Variants in CNTNAP2 observed in about 807,000 individuals in gnomAD.
CNTNAP2 encodes the protein contactin associated protein 2, also known as contactin-associated protein-like 2.
A neutral mutation model predicts 155.2 loss-of-function variants in CNTNAP2; 98 were observed. The ratio of observed to expected loss-of-function variants is 0.63; its 90% CI spans 0.54 to 0.75. The LOEUF (loss-of-function observed/expected upper bound fraction) is 0.75, where lower values mean the gene tolerates loss of function less well. CNTNAP2 is among the 30% of genes least tolerant of loss of function. The probability of loss-of-function intolerance (pLI) is 0.00; values close to 1 mark genes in which losing one functional copy is unlikely to be tolerated. For synonymous variants in CNTNAP2, 651 were observed against 631.2 expected, an observed-to-expected ratio of 1.03 and a Z score of -0.47; for missense variants, 1,727 against 1,688.1, an observed-to-expected ratio of 1.02 and a Z score of -0.40.
At chr7:147,718,207 G>A (rs951136036) in intron 13 of CNTNAP2, among the ~76,000 whole-genome samples, 1 of 152,056 alleles carries the variant, frequency 6.6e-6, no homozygotes, top group African/African-American at 2.4e-5. Flanking sequence ...ATGGAATGCT[G>A]CCTCAAATAC....
chr7:146,522,855 A>T (rs801967), intron 1 of CNTNAP2, among the ~76,000 whole-genome samples: 34,562 of 151,202 alleles, frequency 0.23, 7,527 homozygotes, highest in African/African-American at 0.58. Flanking sequence ...TCTGCTCTTT[A>T]TGTTATCTCA....
intron 1 of CNTNAP2, among the ~76,000 whole-genome samples, chr7:146,615,881 C>G (rs1249079378): frequency 6.6e-6 from 1 of 152,186 alleles, no homozygotes; most frequent in Non-Finnish European, 1.5e-5. Context: ...GTACTGATTC[C>G]TTGTCCCCTT....
chr7:147,526,787 C>G (rs1329019071), intron 11 of CNTNAP2, among the ~76,000 whole-genome samples: 1 of 152,044 alleles, frequency 6.6e-6, no homozygotes, highest in African/African-American at 2.4e-5. Flanking sequence ...ATGACTAGTC[C>G]TCTTCCACCG....
intron 13 of CNTNAP2, among the ~76,000 whole-genome samples, chr7:147,900,120 C>T (rs534159976): frequency 6.6e-6 from 1 of 152,198 alleles, no homozygotes; most frequent in East Asian, 1.9e-4. Context: ...GGTGCTGGCC[C>T]CTCTGCTCTC....
At position 147,995,325 on chromosome 7, in the gene CNTNAP2, A is replaced by C. The variant is rs74724467; in HGVS notation, c.2383+17336A>C. Among the ~76,000 whole-genome samples the C allele has an allele frequency of 6.8e-3, 1,029 of 152,230 alleles. 20 individuals are homozygous for C. Among genetic ancestry groups the C allele is most frequent in the African/African-American group, 0.023 (970 of 41,520 alleles). ...ACTTGGTGGGCCAGCCATGGGAAGC[A>C]CTTCTCCAGCACAAGGATGCTGCCT... On this transcript the variant is annotated intron_variant, in intron 15 of 23. Coordinates refer to ENST00000361727, the MANE Select transcript of CNTNAP2 (RefSeq NM_014141.6).
At chr7:147,852,060 G>C (rs76628069) in intron 13 of CNTNAP2, among the ~76,000 whole-genome samples, 1 of 152,052 alleles carries the variant, frequency 6.6e-6, no homozygotes, top group Admixed American at 6.6e-5. Flanking sequence ...TCTATATTGC[G>C]ACCTTAATTT....
intron 11 of CNTNAP2, chr7:147,496,959 C>T (rs1229903249): frequency 1.3e-5 from 2 of 152,042 alleles, no homozygotes; most frequent in East Asian, 3.9e-4. Flanking sequence ...ATTATCCATC[C>T]ACCTAAATAA....
intron 3 of CNTNAP2, among the ~76,000 whole-genome samples, chr7:146,854,553 A>C (rs1001415878): frequency 1.4e-5 from 2 of 140,938 alleles, no homozygotes; most frequent in Non-Finnish European, 3.1e-5. Context: ...TGGTAACCAG[A>C]GAGCTTAGCA....
chr7:148,244,413 G>C (rs1796216788), intron 20 of CNTNAP2, among the ~76,000 whole-genome samples: 3 of 152,116 alleles, frequency 2.0e-5, no homozygotes, highest in African/African-American at 7.2e-5. Flanking sequence ...GTAATCTTTA[G>C]TTGTAGTTGT....
At chr7:147,221,240 G>A (rs907442170) in intron 8 of CNTNAP2, among the ~76,000 whole-genome samples, 31 of 152,056 alleles carry the variant, frequency 2.0e-4, no homozygotes, top group Middle Eastern at 3.4e-3. Flanking sequence ...TATACATTAA[G>A]TATACATAAT....
In CNTNAP2 at chr7:148,091,930, C is replaced by G. The variant is rs142297493; in HGVS notation, c.2384-26188C>G. ...AGGATCCAGATAAAACAACTTCCCTCGGGTTCCAGAGACATGAAAATAAAG... is the reference window on the plus strand; with the variant it reads ...AGGATCCAGATAAAACAACTTCCCTGGGGTTCCAGAGACATGAAAATAAAG... On this transcript the variant is annotated intron_variant, in intron 15 of 23. Coordinates refer to ENST00000361727, the MANE Select transcript of CNTNAP2 (RefSeq NM_014141.6). Among the ~76,000 whole-genome samples, 262 of 152,224 alleles carry G rather than the reference C, an allele frequency of 1.7e-3. 1 individual carries two copies. The highest frequency in any genetic ancestry group is 6.0e-3 in the African/African-American group (250 of 41,540).
At chr7:147,607,713 A>G (rs1035719230) in intron 12 of CNTNAP2, among the ~76,000 whole-genome samples, 16 of 152,194 alleles carry the variant, frequency 1.1e-4, no homozygotes, top group Admixed American at 7.2e-4. Context: ...TTTCAATTGT[A>G]TATTTTCTGC....
chr7:147,912,575 A>C (rs763504147), intron 14 of CNTNAP2, among the ~76,000 whole-genome samples: 1 of 152,138 alleles, frequency 6.6e-6, no homozygotes, highest in Non-Finnish European at 1.5e-5. Context: ...GAAATTTTAC[A>C]CTGAGAGAAA....
intron 1 of CNTNAP2, among the ~76,000 whole-genome samples, chr7:146,159,752 T>G (rs940359162): frequency 6.6e-6 from 1 of 152,010 alleles, no homozygotes; most frequent in Non-Finnish European, 1.5e-5. Context: ...AGTCCTTAGA[T>G]ACATACAACG....
intron 15 of CNTNAP2, among the ~76,000 whole-genome samples, chr7:147,983,125 A>G (rs1481670109): frequency 1.3e-5 from 2 of 151,886 alleles, no homozygotes; most frequent in Non-Finnish European, 2.9e-5. Context: ...CGCACATGGC[A>G]GTAACTCTCT....
At chr7:146,728,550 T>A (rs1801471463) in intron 1 of CNTNAP2, among the ~76,000 whole-genome samples, 1 of 149,960 alleles carries the variant, frequency 6.7e-6, no homozygotes. Flanking sequence ...TATACCTGAA[T>A]CAAAACATCA....
intron 1 of CNTNAP2, among the ~76,000 whole-genome samples, chr7:146,621,139 AC>A (rs1480805582): frequency 6.6e-6 from 1 of 152,210 alleles, no homozygotes; most frequent in East Asian, 1.9e-4. Context: ...CCGTATCCCT[AC>A]CCCCATTTTG....
intron 1 of CNTNAP2, among the ~76,000 whole-genome samples, chr7:146,398,216 G>A (rs2129107740): frequency 8.1e-6 from 1 of 123,748 alleles, no homozygotes; most frequent in South Asian, 2.3e-4. Context: ...TAGCATATCA[G>A]TGTATTAGTT....
chr7:147,403,445 T>C (rs1380075948), intron 10 of CNTNAP2, among the ~76,000 whole-genome samples: 1 of 152,208 alleles, frequency 6.6e-6, no homozygotes, highest in Non-Finnish European at 1.5e-5. Flanking sequence ...GAGACTTCTC[T>C]CAGATTCTTT....
Sources: allele counts gnomAD v4.1 joint callset (sites outside exome capture counted in the v4.1 genomes callset), GRCh38; gene constraint gnomAD v4.1.1; transcripts MANE v1.5; gene names NCBI Gene and HGNC (gene_info 2026-07-23, HGNC 2026-07-21).